The following SDK2 variants were observed in gnomAD, a reference collection of about 807,000 sequenced individuals.
SDK2 encodes protein sidekick-2.
In SDK2, 105 loss-of-function variants were observed where a neutral mutation model predicts 253.9. The ratio of observed to expected loss-of-function variants is 0.41; its 90% CI spans 0.35 to 0.49. The LOEUF (loss-of-function observed/expected upper bound fraction) is 0.49. Ranked by LOEUF, SDK2 falls within the 20% of genes least tolerant of loss-of-function variation. The pLI, the probability that SDK2 is intolerant of heterozygous loss-of-function variation, is 0.06. For synonymous variants in SDK2, 1,249 were observed against 1,234.9 expected (o/e 1.01, Z -0.24); for missense variants, 2,608 against 3,003.0 (o/e 0.87, Z 3.07).
At chr17:73,588,417 GAA>G (rs1555607416) in intron 1 of SDK2, among the ~76,000 whole-genome samples, 1 of 135,898 alleles carries the variant, frequency 7.4e-6, no homozygotes, top group Non-Finnish European at 1.6e-5. Flanking sequence ...AAAAAAGAAA[GAA>G]ATGCAAATTC....
At chr17:73,391,581 G>A (rs766628229) in intron 27 of SDK2, 43 bp from the exon 28 acceptor site, 34 of 1,113,428 alleles carry the variant, frequency 3.1e-5, no homozygotes, top group East Asian at 1.6e-4. Context: ...TGAGGCTGCC[G>A]CTCAGCTGGG....
chr17:73,407,209 A>G (rs532747454), intron 18 of SDK2, among the ~76,000 whole-genome samples: 1 of 152,344 alleles, frequency 6.6e-6, no homozygotes, highest in South Asian at 2.1e-4. Context: ...AAGCAACAAG[A>G]GCCCCTTAAA....
In SDK2 at chr17:73,393,587, G is replaced by C; in HGVS notation, c.3871C>G (p.Pro1291Ala). 6.3e-7 allele frequency: 1 copy of C among 1,575,102 alleles called. No individual in the cohort carries two copies. The highest frequency in any genetic ancestry group is 8.7e-7 in the Non-Finnish European group (1 of 1,153,282). Reference protein sequence around the residue: ...RIGDGSPSHPPILERTLDDVP... With the variant: ...RIGDGSPSHPAILERTLDDVP... ...TCATCCAGCGTCCGCTCCAGGATGG[G>C]AGGGTGGCTGGGGCTGCCGTCCCCG... The change falls in exon 27 of 45, where the codon CCC (proline) becomes GCC (alanine). Residue 1291 changes from proline to alanine, a missense_variant. By Grantham distance (27) the Pro-to-Ala change is conservative. Transcript: ENST00000392650.
intron 15 of SDK2, 49 bp from the exon 16 acceptor site, chr17:73,419,355 G>A (rs752885234): frequency 1.3e-6 from 2 of 1,589,912 alleles, no homozygotes; most frequent in African/African-American, 1.3e-5. Flanking sequence ...AAACACAGGA[G>A]TTGAATGGGA....
At chr17:73,617,362 G>A (rs2046074570) in intron 1 of SDK2, among the ~76,000 whole-genome samples, 1 of 151,948 alleles carries the variant, frequency 6.6e-6, no homozygotes, top group African/African-American at 2.4e-5. Flanking sequence ...GGGTTCTTAG[G>A]AGGCAAAGAG....
At position 73,527,211 on chromosome 17, in the gene SDK2, G is replaced by T. The variant is rs542720107; in HGVS notation, c.65-19614C>A. ...GTTCACGGATCAATCCAATGGCATTGGACTGTCACTCTGCACAGGGGGAGG... is the reference window on the plus strand; with the variant it reads ...GTTCACGGATCAATCCAATGGCATTTGACTGTCACTCTGCACAGGGGGAGG... On this transcript the variant is annotated intron_variant, in intron 1 of 44. Coordinates refer to ENST00000392650, the MANE Select transcript of SDK2 (RefSeq NM_001144952.2). Among the ~76,000 whole-genome samples, 4 of 152,290 alleles carry T rather than the reference G, an allele frequency of 2.6e-5. No individual in the cohort carries two copies. The East Asian group carries it at 7.7e-4, about 29-fold the overall frequency.
At chr17:73,522,536 C>T (rs2064089648) in intron 1 of SDK2, among the ~76,000 whole-genome samples, 1 of 152,244 alleles carries the variant, frequency 6.6e-6, no homozygotes, top group Admixed American at 6.5e-5. Context: ...TTTGAAAACA[C>T]ATAGCCCATC....
At chr17:73,559,087 G>A (rs1180149059) in intron 1 of SDK2, among the ~76,000 whole-genome samples, 1 of 152,158 alleles carries the variant, frequency 6.6e-6, no homozygotes, top group Non-Finnish European at 1.5e-5. Flanking sequence ...CTTCTCTATG[G>A]GGAGAAAGAA....
intron 1 of SDK2, among the ~76,000 whole-genome samples, chr17:73,546,320 C>G (rs752804769): frequency 6.6e-6 from 1 of 152,236 alleles, no homozygotes; most frequent in Non-Finnish European, 1.5e-5. Context: ...CGGGACTTGA[C>G]GGGCCTGGCG....
At chr17:73,430,161 G>A (rs1478064521) in intron 12 of SDK2, among the ~76,000 whole-genome samples, 1 of 152,202 alleles carries the variant, frequency 6.6e-6, no homozygotes, top group Non-Finnish European at 1.5e-5. Context: ...GTGGCGTCCA[G>A]GGCCAGAGAC....
At position 73,437,834 on chromosome 17, in the gene SDK2, A is replaced by C; in HGVS notation, c.917-12T>G. On this transcript the variant is annotated splice_polypyrimidine_tract_variant and intron_variant, in intron 7 of 44. Coordinates refer to ENST00000392650, the MANE Select transcript of SDK2 (RefSeq NM_001144952.2). ...AAACTGAGGCGGTTCTGCAGGAGGAAGGACCAGGGGAGGGGGTCAGAGCCA... is the reference window on the plus strand; with the variant it reads ...AAACTGAGGCGGTTCTGCAGGAGGACGGACCAGGGGAGGGGGTCAGAGCCA... 2.5e-6 allele frequency: 4 copies of C among 1,613,760 alleles called. No individual in the cohort carries two copies. The highest frequency in any genetic ancestry group is 3.4e-6 in the Non-Finnish European group (4 of 1,179,664).
At chr17:73,414,814 G>C in intron 17 of SDK2, 55 bp from the exon 18 acceptor site, 1 of 1,146,296 alleles carries the variant, frequency 8.7e-7, no homozygotes, top group Non-Finnish European at 1.3e-6. Context: ...AGTCTCTCTT[G>C]CCCAGTTCAG....
chr17:73,432,184 G>A (rs1393191810), intron 10 of SDK2, among the ~76,000 whole-genome samples: 3 of 152,094 alleles, frequency 2.0e-5, no homozygotes, highest in Non-Finnish European at 4.4e-5. Flanking sequence ...CCCAGCAGCA[G>A]CCCTGGTCAG....
At chr17:73,537,441 GC>G (rs2044794859) in intron 1 of SDK2, among the ~76,000 whole-genome samples, 1 of 152,132 alleles carries the variant, frequency 6.6e-6, no homozygotes, top group Admixed American at 6.5e-5. Context: ...CAGCCCCCAT[GC>G]TTTTATCTCC....
At chr17:73,474,174 A>G (rs1430226315) in intron 2 of SDK2, among the ~76,000 whole-genome samples, 1 of 152,154 alleles carries the variant, frequency 6.6e-6, no homozygotes, top group African/African-American at 2.4e-5. Flanking sequence ...GCCAATTTTT[A>G]ACAAATTTTT....
rs951690560 is a variant in SDK2 at position 73,455,586 on chromosome 17, C to T, written c.479+320G>A. Among the ~76,000 whole-genome samples the T allele has an allele frequency of 1.3e-5, 2 of 152,202 alleles. No homozygotes were observed. The highest frequency in any genetic ancestry group is 6.5e-5 in the Admixed American group (1 of 15,288). On this transcript the variant is annotated intron_variant, in intron 4 of 44. Transcript: ENST00000392650. This position sits in a 1 kb window ranked among gnomAD's most constrained non-coding sequence, Gnocchi z 5.0. ...GGCCTGAGTCCTGGGCCTGTAACCA[C>T]GGTGACAGCGCCTTCGTATATGCCT...
chr17:73,490,340 C>G (rs1184352513), intron 2 of SDK2, among the ~76,000 whole-genome samples: 2 of 152,182 alleles, frequency 1.3e-5, no homozygotes, highest in Admixed American at 6.5e-5. Flanking sequence ...AACTACTCGG[C>G]TTTGCTCTGC....
At chr17:73,518,275 C>A (rs1476877277) in intron 1 of SDK2, 2 of 152,020 alleles carry the variant, frequency 1.3e-5, no homozygotes, top group African/African-American at 4.8e-5. Flanking sequence ...GGGTTCAAAC[C>A]CAGTGGACTC....
At chr17:73,437,588 T>A in intron 8 of SDK2, 151 bp downstream of exon 8, 2 of 712,992 alleles carry the variant, frequency 2.8e-6, no homozygotes, top group Non-Finnish European at 5.0e-6. Context: ...CCTGTTTGTT[T>A]CCTGGGGTGC....
Sources: allele counts gnomAD v4.1 joint callset (sites outside exome capture counted in the v4.1 genomes callset), GRCh38; gene constraint gnomAD v4.1.1; non-coding constraint Gnocchi (gnomAD v3.1); transcripts MANE v1.5; gene names NCBI Gene and HGNC (gene_info 2026-07-23, HGNC 2026-07-21).